The following AGTPBP1 variants were observed in gnomAD, a reference collection of about 807,000 sequenced individuals.
AGTPBP1 encodes ATP/GTP binding carboxypeptidase 1.
In AGTPBP1, 70 loss-of-function variants were observed where a neutral mutation model predicts 143.9. The observed-to-expected ratio is 0.49, with a 90% CI of 0.40 to 0.59. The LOEUF (loss-of-function observed/expected upper bound fraction) is 0.59. Among genes scored for constraint, AGTPBP1 ranks in the 20% least tolerant of loss-of-function variants. The pLI is 0.00. For missense variants in AGTPBP1, 1,229 were observed against 1,464.5 expected (o/e 0.84, Z 2.62); for synonymous variants, 463 against 500.2 (o/e 0.93, Z 0.99).
intron 22 of AGTPBP1, 138 bp downstream of exon 22, chr9:85,586,693 A>G (rs1272569822): frequency 9.3e-7 from 1 of 1,075,848 alleles, no homozygotes; most frequent in Non-Finnish European, 1.3e-6. Context: ...TGAGAATTAC[A>G]AACATTCAAC....
chr9:85,734,187 A>C (rs1839078720), intron 1 of AGTPBP1, among the ~76,000 whole-genome samples: 2 of 152,190 alleles, frequency 1.3e-5, no homozygotes, highest in African/African-American at 4.8e-5. Context: ...CAGGAGGCAG[A>C]GGTTGCAGTG....
rs528161700 is a variant in AGTPBP1 at position 85,644,904 on chromosome 9, A to C, written c.1185+1417T>G. The stretch of plus-strand genomic sequence containing the variant: ...TAAATGTAAAGTCAATGAGAGTAAG[A>C]GGCAGGCAGCAGTAGGAAAGAAAAA... On this transcript the variant is annotated intron_variant, in intron 12 of 25. Coordinates refer to ENST00000357081, the MANE Select transcript of AGTPBP1 (RefSeq NM_001330701.2). Among the ~76,000 whole-genome samples the C allele has an allele frequency of 2.6e-5, 4 of 152,300 alleles. No homozygotes were observed. In the South Asian group the frequency reaches 6.2e-4, roughly 24 times the overall value.
intron 25 of AGTPBP1, among the ~76,000 whole-genome samples, chr9:85,550,223 T>C (rs1825961737): frequency 6.8e-6 from 1 of 148,022 alleles, no homozygotes; most frequent in East Asian, 1.9e-4. Flanking sequence ...GAGAGAAAGA[T>C]ATCAGGGGAT....
intron 23 of AGTPBP1, 80 bp from the exon 24 acceptor site, chr9:85,579,176 G>A (rs1276753958): frequency 7.2e-7 from 1 of 1,389,404 alleles, no homozygotes; most frequent in African/African-American, 1.5e-5. Flanking sequence ...AAGTTTTGAT[G>A]AAAACACAGT....
chr9:85,784,909 TA>T, the AGTPBP1 span, among the ~76,000 whole-genome samples: 3 of 152,230 alleles, frequency 2.0e-5, no homozygotes, highest in Non-Finnish European at 2.9e-5. Flanking sequence ...TCTATATTTT[TA>T]TATGAAACTT....
At chr9:85,739,403 T>C (rs1824061217) in intron 1 of AGTPBP1, among the ~76,000 whole-genome samples, 1 of 152,078 alleles carries the variant, frequency 6.6e-6, no homozygotes, top group Non-Finnish European at 1.5e-5. Flanking sequence ...ATACTTTGGA[T>C]GAGGTTTAAA....
chr9:85,606,918 G>A (rs955631389), intron 17 of AGTPBP1, among the ~76,000 whole-genome samples: 9 of 151,928 alleles, frequency 5.9e-5, no homozygotes, highest in African/African-American at 2.2e-4. Context: ...GGAGGGATAA[G>A]GGGGGTGAAG....
At chr9:85,697,449 T>G (rs1250685584) in intron 2 of AGTPBP1, among the ~76,000 whole-genome samples, 4 of 123,038 alleles carry the variant, frequency 3.3e-5, no homozygotes, top group African/African-American at 6.3e-5. Context: ...TTTTTTGTTT[T>G]TTTTTTTTTT....
intron 10 of AGTPBP1, among the ~76,000 whole-genome samples, chr9:85,655,887 G>A (rs1833473977): frequency 6.6e-6 from 1 of 152,142 alleles, no homozygotes; most frequent in African/African-American, 2.4e-5. Flanking sequence ...GAGTGAAGTA[G>A]AGCTATCTCG....
chr9:85,708,001 G>A (rs1413117659), intron 2 of AGTPBP1, among the ~76,000 whole-genome samples: 5 of 152,016 alleles, frequency 3.3e-5, no homozygotes, highest in Admixed American at 6.6e-5. Flanking sequence ...ACCATGGCAC[G>A]TGTATACTTA....
At chr9:85,636,507 T>C (rs190845055) in intron 13 of AGTPBP1, among the ~76,000 whole-genome samples, 1 of 152,246 alleles carries the variant, frequency 6.6e-6, no homozygotes, top group East Asian at 1.9e-4. Flanking sequence ...ATCCCCCCTC[T>C]TGGCCTCCCA....
rs1235387962 is a variant in AGTPBP1, at chr9:85,633,309, A to G, written c.1368T>C (p.Ile456=). The part of the protein sequence containing the change: ...FVFEGKVRGP[I]VVPTAGEETS... The stretch of plus-strand genomic sequence containing the variant: ...TTTCCTCGCCTGCCGTAGGAACAAC[A>G]ATAGGACCACGTACTTTTCCCTCAA... The change falls in exon 14 of 26, where the codon ATT becomes ATC. Residue 456 remains isoleucine (I), a synonymous_variant. Coordinates refer to ENST00000357081, the MANE Select transcript of AGTPBP1 (RefSeq NM_001330701.2). 2 of 1,612,254 alleles carry G rather than the reference A, an allele frequency of 1.2e-6. No homozygotes were observed. The highest frequency in any genetic ancestry group is 1.7e-6 in the Non-Finnish European group (2 of 1,179,560).
chr9:85,774,011 G>A, the AGTPBP1 span: 2 of 1,608,510 alleles, frequency 1.2e-6, no homozygotes, highest in Non-Finnish European at 1.7e-6. Flanking sequence ...AACAAAAGAT[G>A]CAGTTGCTGT....
At chr9:85,720,003 G>A (rs1837994234) in intron 1 of AGTPBP1, among the ~76,000 whole-genome samples, 1 of 152,202 alleles carries the variant, frequency 6.6e-6, no homozygotes, top group African/African-American at 2.4e-5. Flanking sequence ...GCATCCCAGG[G>A]ATGAAGCCAA....
At chr9:85,663,414 T>G (rs1833955279) in intron 8 of AGTPBP1, among the ~76,000 whole-genome samples, 1 of 152,062 alleles carries the variant, frequency 6.6e-6, no homozygotes, top group African/African-American at 2.4e-5. Context: ...TAAACAGTGC[T>G]TTGATCCCAT....
chr9:85,787,245 G>A, the AGTPBP1 span, among the ~76,000 whole-genome samples: 3 of 151,928 alleles, frequency 2.0e-5, no homozygotes, highest in African/African-American at 4.8e-5. Context: ...TGTCTTTCCT[G>A]CTCTATACAC....
At chr9:85,757,259 G>T in the AGTPBP1 span, among the ~76,000 whole-genome samples, 1 of 152,040 alleles carries the variant, frequency 6.6e-6, no homozygotes, top group Admixed American at 6.6e-5. Context: ...TAGAGACGGG[G>T]TTTCAACATA....
At chr9:85,625,910 T>G (rs1302472957) in intron 14 of AGTPBP1, among the ~76,000 whole-genome samples, 2 of 109,674 alleles carry the variant, frequency 1.8e-5, no homozygotes, top group Non-Finnish European at 3.6e-5. Context: ...TTTTGTTTTT[T>G]TTTTTTTTTT....
intron 8 of AGTPBP1, among the ~76,000 whole-genome samples, chr9:85,663,244 G>T (rs751596011): frequency 6.6e-6 from 1 of 152,090 alleles, no homozygotes; most frequent in Admixed American, 6.6e-5. Flanking sequence ...AACTACTAAG[G>T]CTGGGAAAAA....
Sources: gnomAD v4.1 joint callset for allele counts (sites outside exome capture counted in the v4.1 genomes callset) on GRCh38, gnomAD v4.1.1 for gene constraint, MANE v1.5 for transcripts, NCBI Gene and HGNC (gene_info 2026-07-23, HGNC 2026-07-21) for gene names.